The following NHSL2 variants were observed in gnomAD, a reference collection of about 807,000 sequenced individuals.
The protein encoded by NHSL2 is NHS-like protein 2.
In NHSL2, 27 loss-of-function variants were observed where a neutral mutation model predicts 53.4. That is an observed-to-expected ratio of 0.51 (90% CI 0.37 to 0.70). The LOEUF is 0.70. Among genes scored for constraint, NHSL2 ranks in the 30% least tolerant of loss-of-function variants. The pLI is 0.00. For synonymous variants in NHSL2, 408 were observed against 404.1 expected (o/e 1.01, Z -0.12); for missense variants, 892 against 980.1 (o/e 0.91, Z 1.20).
intron 1 of NHSL2, among the ~76,000 whole-genome samples, chrX:71,923,975 T>C (rs2041672319): frequency 8.9e-6 from 1 of 112,394 alleles, no homozygotes; most frequent in East Asian, 2.8e-4. Context: ...TTAATTTTCC[T>C]GTTCTTTAAT....
intron 1 of NHSL2, among the ~76,000 whole-genome samples, chrX:72,020,658 G>A (rs770523544): frequency 3.6e-5 from 4 of 112,499 alleles, no homozygotes; most frequent in African/African-American, 1.3e-4. Flanking sequence ...TCTGAGAGAA[G>A]CCCCCAAAAT....
At chrX:71,946,898 C>A (rs1344228728) in intron 1 of NHSL2, among the ~76,000 whole-genome samples, 1 of 112,098 alleles carries the variant, frequency 8.9e-6, no homozygotes, top group Non-Finnish European at 1.9e-5. Flanking sequence ...CTAGTACTTC[C>A]TTCTGCTGCC....
chrX:71,963,972 T>TAC (rs1215885712), intron 1 of NHSL2, among the ~76,000 whole-genome samples: 1,332 of 42,677 alleles, frequency 0.031, 78 homozygotes, highest in East Asian at 0.15. Context: ...CATATATATA[T>TAC]ACATATATAT....
At chrX:71,914,568 T>C (rs2041619245) in intron 1 of NHSL2, among the ~76,000 whole-genome samples, 1 of 112,243 alleles carries the variant, frequency 8.9e-6, no homozygotes, top group Admixed American at 9.4e-5. Flanking sequence ...TTGGCTTGAA[T>C]ACAGCCAGTT....
intron 1 of NHSL2, among the ~76,000 whole-genome samples, chrX:72,115,444 C>T (rs868860716): frequency 5.9e-5 from 1 of 16,917 alleles, no homozygotes; most frequent in Non-Finnish European, 9.9e-5. Flanking sequence ...GGGGGGGGTG[C>T]GGGGGGCGTG....
chrX:72,108,377 TTCAC>T (rs1232834050), intron 1 of NHSL2, among the ~76,000 whole-genome samples: 1 of 112,676 alleles, frequency 8.9e-6, no homozygotes, highest in Non-Finnish European at 1.9e-5. Flanking sequence ...TGCCTTCACA[TTCAC>T]TCACTGCGTC....
intron 1 of NHSL2, among the ~76,000 whole-genome samples, chrX:72,077,972 G>A (rs1344727474): frequency 2.7e-5 from 3 of 112,901 alleles, no homozygotes; most frequent in African/African-American, 6.4e-5. Context: ...AGTAGCTTGA[G>A]CAGTGGGCAG....
At chrX:71,983,535 C>T (rs140917981) in intron 1 of NHSL2, among the ~76,000 whole-genome samples, 1 of 109,659 alleles carries the variant, frequency 9.1e-6, no homozygotes, top group African/African-American at 3.3e-5. Flanking sequence ...TACTCTAGCC[C>T]AGGAGCTTGA....
chrX:72,041,307 T>A (rs1373207422), intron 1 of NHSL2, among the ~76,000 whole-genome samples: 1 of 111,602 alleles, frequency 9.0e-6, no homozygotes, highest in Non-Finnish European at 1.9e-5. Flanking sequence ...TGGCCCTCCG[T>A]GCTCAGAGTA....
chrX:71,955,467 G>A (rs2041838866), intron 1 of NHSL2, among the ~76,000 whole-genome samples: 1 of 110,144 alleles, frequency 9.1e-6, no homozygotes, highest in Non-Finnish European at 1.9e-5. Flanking sequence ...GTGGTTCTTG[G>A]TGGTATGCAT....
intron 1 of NHSL2, among the ~76,000 whole-genome samples, chrX:71,972,423 TA>T: frequency 8.9e-6 from 1 of 112,784 alleles, no homozygotes; most frequent in Non-Finnish European, 1.9e-5. Flanking sequence ...GCATTTTGAA[TA>T]TGTCATCTCA....
At chrX:72,129,920 G>A (rs1438886636) in intron 1 of NHSL2, 7 of 1,209,336 alleles carry the variant, frequency 5.8e-6, no homozygotes, top group African/African-American at 3.5e-5. Context: ...CGAACTTGGC[G>A]TTGTCCTAAA....
rs144337536 is a variant in NHSL2, at chrX:71,923,663, C to T, written c.280+12296C>T. ...TCTGCTGCCAGCTCCACCCCTCCTG[C>T]GTCCCTGCTGGCAGAGCTACTCTCT... On this transcript the variant is annotated intron_variant, in intron 1 of 7. Transcript: ENST00000633930. 2.5e-3 allele frequency among the ~76,000 whole-genome samples: 283 copies of T among 111,978 alleles called. 1 individual carries two copies. The highest frequency in any genetic ancestry group is 4.6e-3 in the Middle Eastern group (1 of 218).
At chrX:71,944,733 T>A (rs2041784512) in intron 1 of NHSL2, among the ~76,000 whole-genome samples, 1 of 111,879 alleles carries the variant, frequency 8.9e-6, no homozygotes, top group African/African-American at 3.3e-5. Context: ...CTGGAGTAGT[T>A]CTGGAATTGA....
At chrX:72,107,798 C>T (rs758990020) in intron 1 of NHSL2, among the ~76,000 whole-genome samples, 1 of 111,878 alleles carries the variant, frequency 8.9e-6, no homozygotes, top group African/African-American at 3.3e-5. Context: ...AGGAACAATT[C>T]AGCTGATGAA....
intron 1 of NHSL2, among the ~76,000 whole-genome samples, chrX:72,036,973 A>C (rs1424125174): frequency 1.8e-5 from 2 of 111,636 alleles, no homozygotes; most frequent in Non-Finnish European, 3.8e-5. Flanking sequence ...TGGTGTTGAT[A>C]TATGTTGACT....
chrX:71,917,146 G>A (rs767632642), intron 1 of NHSL2, among the ~76,000 whole-genome samples: 221 of 111,996 alleles, frequency 2.0e-3, no homozygotes, highest in African/African-American at 6.9e-3. Flanking sequence ...CAGGTAGTTT[G>A]CAGTAAAGTG....
At chrX:71,964,021 ATATG>A (rs2041886096) in intron 1 of NHSL2, among the ~76,000 whole-genome samples, 9 of 7,087 alleles carry the variant, frequency 1.3e-3, no homozygotes, top group Admixed American at 3.4e-3. Context: ...GTATATATAT[ATATG>A]TGTATATATA....
intron 1 of NHSL2, among the ~76,000 whole-genome samples, chrX:71,986,350 C>T (rs1329692178): frequency 8.9e-5 from 10 of 111,765 alleles, no homozygotes; most frequent in Admixed American, 4.8e-4. Flanking sequence ...ACTCATTTAA[C>T]CAAAATGATA....
Sources: allele counts gnomAD v4.1 joint callset (sites outside exome capture counted in the v4.1 genomes callset), GRCh38; gene constraint gnomAD v4.1.1; transcripts MANE v1.5; gene names NCBI Gene and HGNC (gene_info 2026-07-23, HGNC 2026-07-21).